Variants in FHIT observed in about 807,000 individuals in gnomAD.
FHIT encodes fragile histidine triad diadenosine triphosphatase.
FHIT carries 19 observed loss-of-function variants against 17.9 expected under a neutral mutation model. The observed-to-expected ratio is 1.06, with a 90% CI of 0.74 to 1.56. FHIT has a LOEUF of 1.56. FHIT is among the 40% of genes most tolerant of loss of function. FHIT has a pLI of 0.00. For synonymous variants in FHIT, 81 were observed against 69.7 expected (o/e 1.16, Z -0.81); for missense variants, 248 against 189.2 (o/e 1.31, Z -1.82).
intron 8 of FHIT, among the ~76,000 whole-genome samples, chr3:59,809,526 C>G (rs778891350): frequency 7.2e-5 from 11 of 152,202 alleles, no homozygotes; most frequent in Admixed American, 1.3e-4. Flanking sequence ...ACATAATACA[C>G]TCCCAATTCC....
chr3:60,903,269 T>C (rs561321506), intron 3 of FHIT, among the ~76,000 whole-genome samples: 2 of 152,320 alleles, frequency 1.3e-5, no homozygotes, highest in African/African-American at 4.8e-5. Flanking sequence ...CAATGAACAA[T>C]AATTGTAACT....
chr3:60,225,839 C>G (rs991638558), intron 5 of FHIT, among the ~76,000 whole-genome samples: 2 of 152,124 alleles, frequency 1.3e-5, no homozygotes, highest in East Asian at 3.9e-4. Context: ...ACAGCATTCT[C>G]TCTCCACTTT....
At chr3:60,453,848 C>T (rs189334742) in intron 5 of FHIT, among the ~76,000 whole-genome samples, 10 of 152,126 alleles carry the variant, frequency 6.6e-5, no homozygotes, top group Admixed American at 5.9e-4. Flanking sequence ...ATAAAGCATG[C>T]TAATAAGAAC....
At chr3:60,955,626 A>ATATACG (rs1709108577) in intron 3 of FHIT, among the ~76,000 whole-genome samples, 1 of 51,586 alleles carries the variant, frequency 1.9e-5, no homozygotes, top group Non-Finnish European at 4.4e-5. Context: ...ATATATATAT[A>ATATACG]TATATATACA....
At chr3:61,141,371 A>G (rs2037075603) in intron 2 of FHIT, among the ~76,000 whole-genome samples, 1 of 152,176 alleles carries the variant, frequency 6.6e-6, no homozygotes, top group Non-Finnish European at 1.5e-5. Context: ...TTCTTTTCAA[A>G]GAGAAGTCTT....
intron 5 of FHIT, among the ~76,000 whole-genome samples, chr3:60,300,137 C>G (rs1428749379): frequency 6.6e-6 from 1 of 152,068 alleles, no homozygotes; most frequent in Non-Finnish European, 1.5e-5. Flanking sequence ...CTCTCCACCT[C>G]TCAGAATATT....
chr3:60,027,156 G>T (rs1490653851), intron 5 of FHIT, among the ~76,000 whole-genome samples: 1 of 110,886 alleles, frequency 9.0e-6, no homozygotes. Context: ...CACAAAATTA[G>T]TAAACCCAAT....
intron 3 of FHIT, among the ~76,000 whole-genome samples, chr3:61,008,299 T>C (rs1318850249): frequency 6.6e-6 from 1 of 152,210 alleles, no homozygotes. Context: ...TGTTATGTAA[T>C]TGTGTGAAAA....
intron 5 of FHIT, among the ~76,000 whole-genome samples, chr3:60,458,193 T>A (rs974220345): frequency 1.3e-5 from 2 of 152,054 alleles, no homozygotes; most frequent in Non-Finnish European, 2.9e-5. Flanking sequence ...CAAATGTCCA[T>A]CAATGATAGA....
chr3:60,074,756 T>C (rs1056673130), intron 5 of FHIT, among the ~76,000 whole-genome samples: 2 of 152,136 alleles, frequency 1.3e-5, no homozygotes, highest in Non-Finnish European at 2.9e-5. Context: ...CCCCAACACT[T>C]TCCTCAGCTC....
intron 4 of FHIT, among the ~76,000 whole-genome samples, chr3:60,590,802 C>T (rs782728002): frequency 5.3e-5 from 8 of 152,074 alleles, no homozygotes; most frequent in Non-Finnish European, 7.4e-5. Context: ...GAAGACACAG[C>T]CAACTGAACT....
intron 5 of FHIT, among the ~76,000 whole-genome samples, chr3:60,134,943 A>T (rs1699750923): frequency 6.6e-6 from 1 of 151,912 alleles, no homozygotes; most frequent in Admixed American, 6.6e-5. Flanking sequence ...ATAAATATGG[A>T]GTAGAGGAAA....
chr3:60,037,461 C>A (rs1466290534), intron 5 of FHIT, among the ~76,000 whole-genome samples: 1 of 150,462 alleles, frequency 6.6e-6, no homozygotes, highest in Non-Finnish European at 1.5e-5. Flanking sequence ...TGGCTCACTG[C>A]AACCTCCGCC....
At chr3:60,962,601 C>T (rs562236859) in intron 3 of FHIT, among the ~76,000 whole-genome samples, 1 of 152,090 alleles carries the variant, frequency 6.6e-6, no homozygotes, top group African/African-American at 2.4e-5. Flanking sequence ...TCAGACACGT[C>T]CCATCACTAC....
rs1540264 is a variant in FHIT at position 60,601,928 on chromosome 3, T to C, written c.-17-64949A>G. On this transcript the variant is annotated intron_variant, in intron 4 of 9. Transcript: ENST00000492590. Reference sequence around the variant, plus strand: ...TTAATTAATTCATTAGAAACAGAAATAGAAAAAGTCAAAGCTGAAAACTAA... The same window carrying C: ...TTAATTAATTCATTAGAAACAGAAACAGAAAAAGTCAAAGCTGAAAACTAA... Among the ~76,000 whole-genome samples, 4 of 79,292 alleles carry C rather than the reference T, an allele frequency of 5.0e-5. No individual in the cohort carries two copies. In the Admixed American group the frequency reaches 5.9e-4, roughly 12 times the overall value. 52.0% of individuals were successfully genotyped at this position (79,292 alleles called of 152,430 possible).
intron 2 of FHIT, among the ~76,000 whole-genome samples, chr3:61,061,469 C>T (rs1405113928): frequency 6.6e-6 from 1 of 151,376 alleles, no homozygotes; most frequent in Admixed American, 6.6e-5. Context: ...ACTCTGGATG[C>T]CTAGGGTAAA....
intron 4 of FHIT, among the ~76,000 whole-genome samples, chr3:60,807,916 G>A (rs993199632): frequency 6.6e-6 from 1 of 152,182 alleles, no homozygotes; most frequent in East Asian, 1.9e-4. Flanking sequence ...ATAAGATGTC[G>A]ATAAAGACCT....
intron 3 of FHIT, among the ~76,000 whole-genome samples, chr3:60,927,592 G>A (rs371692420): frequency 4.7e-5 from 7 of 150,004 alleles, no homozygotes; most frequent in East Asian, 2.0e-4. Context: ...GCCTCTGCCC[G>A]GCCGCCCCGT....
At chr3:61,155,073 C>A (rs186463496) in intron 2 of FHIT, among the ~76,000 whole-genome samples, 1 of 152,314 alleles carries the variant, frequency 6.6e-6, no homozygotes, top group Admixed American at 6.5e-5. Context: ...TTCTTCCAAG[C>A]CAGTAAGAGA....
Sources: allele counts gnomAD v4.1 joint callset (sites outside exome capture counted in the v4.1 genomes callset), GRCh38; gene constraint gnomAD v4.1.1; transcripts MANE v1.5; gene names NCBI Gene and HGNC (gene_info 2026-07-23, HGNC 2026-07-21).